Variants in ABTB2 observed in about 807,000 individuals in gnomAD.
ABTB2 encodes ankyrin repeat and BTB domain containing 2.
A neutral mutation model predicts 104.1 loss-of-function variants in ABTB2; 56 were observed. The observed-to-expected ratio is 0.54, with a 90% confidence interval of 0.43 to 0.67. The LOEUF (loss-of-function observed/expected upper bound fraction) is 0.67, where lower values mean the gene tolerates loss of function less well. Among genes scored for constraint, ABTB2 ranks in the 30% least tolerant of loss-of-function variants. The pLI is 0.00. For missense variants in ABTB2, 1,279 were observed against 1,407.7 expected (o/e 0.91, Z 1.46); for synonymous variants, 606 against 608.2 (o/e 1.00, Z 0.05).
At chr11:34,336,382 G>C (rs1422766102) in intron 1 of ABTB2, among the ~76,000 whole-genome samples, 2 of 152,096 alleles carry the variant, frequency 1.3e-5, no homozygotes, top group Non-Finnish European at 2.9e-5. Flanking sequence ...AAGCAGCCAG[G>C]CCAGGCACAG....
chr11:34,214,147 CA>C (rs985770308), intron 1 of ABTB2, among the ~76,000 whole-genome samples: 4 of 150,632 alleles, frequency 2.7e-5, no homozygotes, highest in African/African-American at 9.8e-5. Context: ...AAAACACACA[CA>C]CACACACACA....
intron 3 of ABTB2, among the ~76,000 whole-genome samples, chr11:34,176,279 CAAAAAAAAA>C (rs58009507): frequency 2.7e-5 from 2 of 74,832 alleles, no homozygotes; most frequent in South Asian, 5.4e-4. Context: ...GACTCCGTCT[CAAAAAAAAA>C]AAAAAAAAAA....
intron 1 of ABTB2, among the ~76,000 whole-genome samples, chr11:34,312,811 T>G (rs529476598): frequency 1.4e-4 from 21 of 152,294 alleles, no homozygotes; most frequent in Non-Finnish European, 2.6e-4. Context: ...GGCAAGCCTC[T>G]CACCTCAGCC....
intron 16 of ABTB2, 54 bp from the exon 17 acceptor site, chr11:34,152,638 C>T: frequency 5.3e-6 from 8 of 1,516,878 alleles, no homozygotes; most frequent in Admixed American, 1.9e-5. Flanking sequence ...CAGCCCCACT[C>T]ACCCTCACCC....
chr11:34,320,405 A>T (rs1298045327), intron 1 of ABTB2, among the ~76,000 whole-genome samples: 9 of 152,214 alleles, frequency 5.9e-5, no homozygotes, highest in Non-Finnish European at 1.2e-4. Flanking sequence ...CAGTGGCCGA[A>T]GCAGTCTGGT....
intron 1 of ABTB2, among the ~76,000 whole-genome samples, chr11:34,271,252 C>T (rs940066766): frequency 6.6e-6 from 1 of 152,196 alleles, no homozygotes; most frequent in African/African-American, 2.4e-5. Flanking sequence ...TCACAAGACA[C>T]CTTTGATGGA....
intron 1 of ABTB2, among the ~76,000 whole-genome samples, chr11:34,280,594 A>G (rs993198212): frequency 6.6e-6 from 1 of 152,242 alleles, no homozygotes. Flanking sequence ...ATCTGCCACA[A>G]TGATCTGTCA....
intron 3 of ABTB2, among the ~76,000 whole-genome samples, chr11:34,194,436 C>T (rs1481052260): frequency 6.6e-6 from 1 of 152,242 alleles, no homozygotes; most frequent in Non-Finnish European, 1.5e-5. Flanking sequence ...AGACGTCGCA[C>T]ATCCCCAAAC....
intron 1 of ABTB2, among the ~76,000 whole-genome samples, chr11:34,258,009 T>C (rs1854143874): frequency 6.6e-6 from 1 of 151,966 alleles, no homozygotes; most frequent in Non-Finnish European, 1.5e-5. Context: ...TCTCCCTGAG[T>C]CCCCAGCCCA....
intron 1 of ABTB2, among the ~76,000 whole-genome samples, chr11:34,279,466 T>C (rs1194011589): frequency 6.6e-6 from 1 of 152,142 alleles, no homozygotes. Flanking sequence ...ATTATACAGA[T>C]GAGGAAATGA....
chr11:34,250,665 G>C (rs1295267862), intron 1 of ABTB2, among the ~76,000 whole-genome samples: 1 of 152,188 alleles, frequency 6.6e-6, no homozygotes, highest in Non-Finnish European at 1.5e-5. Context: ...CTAGTCTCCA[G>C]AGCAATTCCT....
intron 1 of ABTB2, among the ~76,000 whole-genome samples, chr11:34,315,313 G>A (rs947084972): frequency 2.0e-5 from 3 of 152,284 alleles, no homozygotes; most frequent in African/African-American, 7.2e-5. Flanking sequence ...GCCCAGTTCA[G>A]GCTGACTGGT....
chr11:34,317,989 G>C (rs946381385), intron 1 of ABTB2, among the ~76,000 whole-genome samples: 2 of 133,812 alleles, frequency 1.5e-5, no homozygotes, highest in Admixed American at 8.2e-5. Flanking sequence ...TTGAGACATA[G>C]CCTCGCTCTG....
At chr11:34,191,319 CA>C (rs545773589) in intron 3 of ABTB2, among the ~76,000 whole-genome samples, 98 of 152,288 alleles carry the variant, frequency 6.4e-4, no homozygotes, top group African/African-American at 2.1e-3. Flanking sequence ...GGCTGGAACC[CA>C]GAGCACTGAC....
Position 34,208,741 on chromosome 11 carries a change from C to A in ABTB2, c.884-4051G>T, listed in dbSNP as rs118023812. ...ACAGCACCGTGGCCACCCGGTTGCC[C>A]AAGGAGAGACCTGTGAGTCACCCTT... On this transcript the variant is annotated intron_variant, in intron 1 of 16. Coordinates refer to ENST00000435224, the MANE Select transcript of ABTB2 (RefSeq NM_145804.3). Among the ~76,000 whole-genome samples, 74 of 152,186 alleles carry A rather than the reference C, an allele frequency of 4.9e-4. 1 individual carries two copies. The East Asian group carries it at 0.014, about 28-fold the overall frequency.
rs1377899465 is a variant in ABTB2, at chr11:34,252,592, G to A, written c.884-47902C>T. Among the ~76,000 whole-genome samples the A allele has an allele frequency of 6.6e-6, 1 of 152,166 alleles. No homozygotes were observed. Among genetic ancestry groups the A allele is most frequent in the African/African-American group, 2.4e-5 (1 of 41,438 alleles). On this transcript the variant is annotated intron_variant, in intron 1 of 16. Transcript: ENST00000435224. This position sits in a 1 kb window ranked among gnomAD's most constrained non-coding sequence, Gnocchi z 5.5. ...AGAGGAGAGCAGGGAGAGAGAATGG[G>A]GGGAAGGGTGGGGCCAGGAGGGGGA...
In ABTB2 at chr11:34,201,880, C is replaced by T. The variant is rs555338215; in HGVS notation, c.1030+2664G>A. Among the ~76,000 whole-genome samples, 4 of 152,270 alleles carry T rather than the reference C, an allele frequency of 2.6e-5. No homozygotes were observed. The South Asian group carries it at 6.2e-4, about 24-fold the overall frequency. ...GGCCAGGATGTGGACAAATCCTAGGCGAGTTTTAGGAGAAAAGATTTGGTG... is the reference window on the plus strand; with the variant it reads ...GGCCAGGATGTGGACAAATCCTAGGTGAGTTTTAGGAGAAAAGATTTGGTG... On this transcript the variant is annotated intron_variant, in intron 2 of 16. Transcript: ENST00000435224.
intron 1 of ABTB2, among the ~76,000 whole-genome samples, chr11:34,273,774 T>C (rs2133082263): frequency 6.6e-6 from 1 of 152,264 alleles, no homozygotes; most frequent in Non-Finnish European, 1.5e-5. Flanking sequence ...CTCAGACACC[T>C]TTGACTGCAT....
intron 2 of ABTB2, 33 bp downstream of exon 2, chr11:34,204,511 T>C (rs750844527): frequency 6.4e-7 from 1 of 1,550,396 alleles, no homozygotes; most frequent in Non-Finnish European, 8.7e-7. Flanking sequence ...GCCGTTGCTC[T>C]ACCATCCAGC....
Sources: allele counts gnomAD v4.1 joint callset (sites outside exome capture counted in the v4.1 genomes callset), GRCh38; gene constraint gnomAD v4.1.1; non-coding constraint Gnocchi (gnomAD v3.1); transcripts MANE v1.5; gene names NCBI Gene and HGNC (gene_info 2026-07-23, HGNC 2026-07-21).